C6orf136: variants seen among roughly 807,000 people sequenced by gnomAD.
The protein encoded by C6orf136 is chromosome 6 open reading frame 136, also known as uncharacterized protein C6orf136.
In C6orf136, 29 loss-of-function variants were observed where a neutral mutation model predicts 44.0. The ratio of observed to expected loss-of-function variants is 0.66; its 90% CI spans 0.49 to 0.90. C6orf136 has a LOEUF of 0.90. Among genes scored for constraint, C6orf136 ranks in the 40% least tolerant of loss-of-function variants. The pLI, the probability that C6orf136 is intolerant of heterozygous loss-of-function variation, is 0.00. For synonymous variants in C6orf136, 293 were observed against 278.6 expected, an observed-to-expected ratio of 1.05 and a Z score of -0.52; for missense variants, 628 against 669.3, an observed-to-expected ratio of 0.94 and a Z score of 0.68.
In C6orf136 at chr6:30,647,261, G is replaced by A. The variant is rs1183740223; in HGVS notation, c.30G>A (p.Arg10=). The change falls in exon 1 of 6, where the codon CGG becomes CGA. Residue 10 remains arginine (R), a synonymous_variant. Transcript: ENST00000651131. This position sits in a 1 kb window ranked among gnomAD's most constrained non-coding sequence, Gnocchi z 4.8. ...ACCAGCCCAGCCGGGGTGCGGCCCG[G>A]CGTCTCGGCCCTTGCCTGCGCGCCT... MYQPSRGAA[R]RLGPCLRAYQ... 1.3e-6 allele frequency: 2 copies of A among 1,598,460 alleles called. No homozygotes were observed. The highest frequency in any genetic ancestry group is 1.7e-6 in the Non-Finnish European group (2 of 1,174,950).
chr6:30,651,380 C>G lies in C6orf136; in HGVS notation c.1221C>G (p.Thr407=). 1 of 1,613,810 alleles carries G rather than the reference C, an allele frequency of 6.2e-7. No individual in the cohort carries two copies. Among genetic ancestry groups the G allele is most frequent in the Admixed American group, 1.7e-5 (1 of 60,026 alleles). ...TGACCCGCCACCCTGAGAACTGGAC[C>G]CTGCAAGCCCGGTGGCGGCTTGTGG... is the stretch of plus-strand genomic sequence containing the variant. ...LQLTRHPENW[T]LQARWRLVGL... Residue 407 remains threonine (T), a synonymous_variant, in exon 4 of 6, where the codon ACC becomes ACG. Coordinates refer to ENST00000651131, the MANE Select transcript of C6orf136 (RefSeq NM_001161376.2).
Position 30,652,933 on chromosome 6 carries a change from G to C in C6orf136, c.*18G>C. 1 of 1,600,554 alleles carries C rather than the reference G, an allele frequency of 6.2e-7. No homozygotes were observed. Among genetic ancestry groups the C allele is most frequent in the East Asian group, 2.2e-5 (1 of 44,810 alleles). On this transcript the variant is annotated 3_prime_UTR_variant, in exon 6 of 6. Transcript: ENST00000651131. ...AGCCCTGATCCTTGACCTTGGAGTG[G>C]AGGCAGCACTGAAGACTGCTACGCC... is the stretch of plus-strand genomic sequence containing the variant.
Position 30,647,558 on chromosome 6 carries a change from G to C in C6orf136, c.327G>C (p.Ala109=), listed in dbSNP as rs1766963693. 8 of 1,531,272 alleles carry C rather than the reference G, an allele frequency of 5.2e-6. No individual in the cohort carries two copies. Among genetic ancestry groups the C allele is most frequent in the South Asian group, 1.2e-5 (1 of 83,154 alleles). The allele number at this position is 1,531,272 out of a possible 1,614,324, so 94.9% of individuals were successfully genotyped here. The change falls in exon 1 of 6, where the codon GCG becomes GCC. Residue 109 remains alanine, a synonymous_variant. Coordinates refer to ENST00000651131, the MANE Select transcript of C6orf136 (RefSeq NM_001161376.2). The surrounding 1 kb of genome is among the most constrained non-coding windows in gnomAD (Gnocchi z 4.8). ...TCAGGCGGGGTCAAGGCCAGGCAGC[G>C]GGGCGCGTCTGCGTTGCGCCCGACT... The part of the protein sequence containing the change: ...RAVRRGQGQA[A]GRVCVAPDSP...
chr6:30,650,804 C>T (rs368293168), intron 2 of C6orf136, among the ~76,000 whole-genome samples, 190 bp from the exon 3 acceptor site: 7 of 149,154 alleles, frequency 4.7e-5, no homozygotes, highest in East Asian at 2.0e-4. Context: ...CCCAGCTACT[C>T]GGGAGGCTGA....
In C6orf136 at chr6:30,651,189, G is replaced by C. The variant is rs141051300; in HGVS notation, c.1107-77G>C. On this transcript the variant is annotated intron_variant, in intron 3 of 5. Transcript: ENST00000651131. Reference sequence around the variant, plus strand: ...AGTTCCTAGACTGCTTCTCACAGCTGTTCCCCATTCCTTAGAAGCCAGTTT... The same window carrying C: ...AGTTCCTAGACTGCTTCTCACAGCTCTTCCCCATTCCTTAGAAGCCAGTTT... 970 of 1,582,090 alleles carry C rather than the reference G, an allele frequency of 6.1e-4. 1 individual carries two copies. The highest frequency in any genetic ancestry group is 7.7e-4 in the Non-Finnish European group (882 of 1,151,086).
chr6:30,652,041 A>G (rs1460464743), intron 4 of C6orf136, among the ~76,000 whole-genome samples: 2 of 151,852 alleles, frequency 1.3e-5, no homozygotes, highest in Non-Finnish European at 2.9e-5. Flanking sequence ...ACTTGAGGTA[A>G]GGAGTTGGAG....
chr6:30,651,180 C>T, intron 3 of C6orf136, 86 bp from the exon 4 acceptor site: 1 of 1,576,516 alleles, frequency 6.3e-7, no homozygotes, highest in East Asian at 2.2e-5. Context: ...TAGACTGCTT[C>T]TCACAGCTGT....
rs2127571301 is a variant in C6orf136, at chr6:30,651,348, T to C, written c.1189T>C (p.Leu397=). Reference sequence around the variant, plus strand: ...TTTTGCACACCTTCGTTTGGAGGTTTTACAGCTGACCCGCCACCCTGAGAA... The same window carrying C: ...TTTTGCACACCTTCGTTTGGAGGTTCTACAGCTGACCCGCCACCCTGAGAA... The part of the protein sequence containing the change: ...NYFAHLRLEV[L]QLTRHPENWT... The change falls in exon 4 of 6, where the codon TTA becomes CTA. Residue 397 remains leucine, a synonymous_variant. Transcript: ENST00000651131. 6.2e-7 allele frequency: 1 copy of C among 1,614,046 alleles called. No individual in the cohort carries two copies. The highest frequency in any genetic ancestry group is 8.5e-7 in the Non-Finnish European group (1 of 1,180,034).
At chr6:30,648,077 C>T (rs962344199) in intron 1 of C6orf136, among the ~76,000 whole-genome samples, 2 of 152,178 alleles carry the variant, frequency 1.3e-5, no homozygotes, top group African/African-American at 4.8e-5. Context: ...CTTTCTAGGT[C>T]GCTACGTTTT....
chr6:30,648,262 G>A (rs1290165599), intron 1 of C6orf136, among the ~76,000 whole-genome samples: 1 of 152,040 alleles, frequency 6.6e-6, no homozygotes, highest in Non-Finnish European at 1.5e-5. Flanking sequence ...CATTTGCCTC[G>A]CACACTTAAT....
At chr6:30,651,528 A>T in intron 4 of C6orf136, 62 bp downstream of exon 4, 1 of 1,391,852 alleles carries the variant, frequency 7.2e-7, no homozygotes, top group South Asian at 1.2e-5. Context: ...TTTTTTTGAG[A>T]CGGAGTCTCA....
Position 30,649,776 on chromosome 6 carries a change from T to G in C6orf136, c.834T>G (p.Pro278=). Residue 278 remains proline (P), a synonymous_variant, in exon 2 of 6, where the codon CCT becomes CCG. Coordinates refer to ENST00000651131, the MANE Select transcript of C6orf136 (RefSeq NM_001161376.2). ...GAAAGGGGGAGGAGGGACCAGGACC[T>G]GAGTTGCATAGCGGCTGCCTGGATG... The part of the protein sequence containing the change: ...PPGKGEEGPG[P]ELHSGCLDGL... The G allele has an allele frequency of 1.2e-6, 2 of 1,614,060 alleles. No homozygotes were observed. Among genetic ancestry groups the G allele is most frequent in the African/African-American group, 2.7e-5 (2 of 75,030 alleles).
Position 30,649,818 on chromosome 6 carries a change from T to C in C6orf136, c.876T>C (p.Phe292=). Residue 292 remains phenylalanine (F), a synonymous_variant, in exon 2 of 6, where the codon TTT becomes TTC. Transcript: ENST00000651131. ...GCCTGGATGGGCTTAGAAGCCTTTTTGAGGGACCTCCCTGCCCCTATCCTG... is the reference window on the plus strand; with the variant it reads ...GCCTGGATGGGCTTAGAAGCCTTTTCGAGGGACCTCCCTGCCCCTATCCTG... ...SGCLDGLRSL[F]EGPPCPYPGA... 6.2e-7 allele frequency: 1 copy of C among 1,614,124 alleles called. No individual in the cohort carries two copies. The highest frequency in any genetic ancestry group is 2.2e-5 in the East Asian group (1 of 44,862).
chr6:30,653,026 C>A lies in C6orf136; in HGVS notation c.*111C>A. On this transcript the variant is annotated 3_prime_UTR_variant, in exon 6 of 6. Coordinates refer to ENST00000651131, the MANE Select transcript of C6orf136 (RefSeq NM_001161376.2). ...CTTCCTCTCCTCGTTTCTCTCCTTC[C>A]TTCCTTTCCATCTCATGCTGTGTAA... 1 of 1,160,370 alleles carries A rather than the reference C, an allele frequency of 8.6e-7. No individual in the cohort carries two copies. Among genetic ancestry groups the A allele is most frequent in the Non-Finnish European group, 1.2e-6 (1 of 803,030 alleles). 71.9% of individuals were successfully genotyped at this position (1,160,370 alleles called of 1,614,324 possible).
chr6:30,651,955 ATACT>A (rs1767464280), intron 4 of C6orf136, among the ~76,000 whole-genome samples: 1 of 152,016 alleles, frequency 6.6e-6, no homozygotes, highest in Non-Finnish European at 1.5e-5. Flanking sequence ...AGGTACTCAA[ATACT>A]TACTGAACAG....
intron 1 of C6orf136, among the ~76,000 whole-genome samples, chr6:30,648,643 G>A (rs1390817430): frequency 6.7e-6 from 1 of 148,298 alleles, no homozygotes; most frequent in African/African-American, 2.4e-5. Flanking sequence ...CTCGTGATCC[G>A]CCCGCCTCGG....
chr6:30,650,866 T>C (rs1767341398), intron 2 of C6orf136, 128 bp from the exon 3 acceptor site: 2 of 662,420 alleles, frequency 3.0e-6, no homozygotes, highest in Non-Finnish European at 5.2e-6. Flanking sequence ...GAGCTGAGAT[T>C]GTACCTCTGT....
At chr6:30,650,649 G>C (rs1442796418) in intron 2 of C6orf136, among the ~76,000 whole-genome samples, 1 of 152,074 alleles carries the variant, frequency 6.6e-6, no homozygotes, top group Non-Finnish European at 1.5e-5. Flanking sequence ...TGGGCATGGT[G>C]GTGGGTGCCT....
chr6:30,652,448 C>T lies in C6orf136; in HGVS notation c.1308-200C>T, dbSNP rs180860909. Among the ~76,000 whole-genome samples the T allele has an allele frequency of 1.1e-4, 17 of 152,208 alleles. No homozygotes were observed. The East Asian group carries it at 3.3e-3, about 29-fold the overall frequency. ...CAAACTGCTGCACAGTAGAAATGCC[C>T]AAGGATCGTTAAAAAATATTGACGC... On this transcript the variant is annotated intron_variant, in intron 4 of 5. Transcript: ENST00000651131.
Sources: allele counts gnomAD v4.1 joint callset (sites outside exome capture counted in the v4.1 genomes callset), GRCh38; gene constraint gnomAD v4.1.1; non-coding constraint Gnocchi (gnomAD v3.1); transcripts MANE v1.5; gene names NCBI Gene and HGNC (gene_info 2026-07-23, HGNC 2026-07-21).